ALG14: variants seen among roughly 807,000 people sequenced by gnomAD.
ALG14 encodes the protein ALG14 UDP-N-acetylglucosaminyltransferase subunit.
Under a neutral mutation model 22.8 loss-of-function variants are expected in ALG14, and 17 were observed. The ratio of observed to expected loss-of-function variants is 0.75; its 90% CI spans 0.51 to 1.12. The LOEUF is 1.12. ALG14 is among the 50% of genes most tolerant of loss of function. ALG14 has a pLI of 0.00. For missense variants in ALG14, 288 were observed against 271.8 expected (o/e 1.06, Z -0.42); for synonymous variants, 89 against 103.7 (o/e 0.86, Z 0.86).
chr1:95,030,679 T>C (rs1571626121), intron 2 of ALG14, among the ~76,000 whole-genome samples: 1 of 152,248 alleles, frequency 6.6e-6, no homozygotes, highest in African/African-American at 2.4e-5. Flanking sequence ...GCTCCCCTGA[T>C]TACACCTTGG....
intron 2 of ALG14, among the ~76,000 whole-genome samples, chr1:95,052,360 A>T (rs1674776637): frequency 6.6e-6 from 1 of 152,238 alleles, no homozygotes; most frequent in African/African-American, 2.4e-5. Context: ...GGTGGTATAA[A>T]CACAAATTAG....
chr1:95,045,611 CATACTGTATTAGT>C (rs1442570803), intron 2 of ALG14, among the ~76,000 whole-genome samples: 1 of 151,342 alleles, frequency 6.6e-6, no homozygotes, highest in Admixed American at 6.6e-5. Flanking sequence ...ATAGTATTAG[CATACTGTATTAGT>C]ATATTAATAG....
intron 3 of ALG14, among the ~76,000 whole-genome samples, chr1:95,022,863 A>T (rs1167542364): frequency 6.6e-6 from 1 of 152,232 alleles, no homozygotes; most frequent in Admixed American, 6.5e-5. Flanking sequence ...TACCAGATGA[A>T]AGTCATTATA....
chr1:95,003,436 C>T (rs1035099700), intron 3 of ALG14, among the ~76,000 whole-genome samples: 1 of 149,168 alleles, frequency 6.7e-6, no homozygotes, highest in Non-Finnish European at 1.5e-5. Context: ...TGTTCTAGAA[C>T]GAATGCCCTC....
chr1:94,978,830 TTTTC>T lies in ALG14; in HGVS notation c.*4242_*4245del, dbSNP rs1240110822. On this transcript the variant is annotated 3_prime_UTR_variant, in exon 4 of 4. Transcript: ENST00000370205. ...CCATTTATTTCCTTTTGAGGACATT[TTTTC>T]TTTTTTCTTTAAAAAAAAAAAAAAA... 3 of 126,082 alleles carry T rather than the reference TTTTC, an allele frequency of 2.4e-5. No individual in the cohort carries two copies. The highest frequency in any genetic ancestry group is 2.8e-4 in the South Asian group (1 of 3,544). 7.8% of individuals were successfully genotyped at this position (126,082 alleles called of 1,614,324 possible).
chr1:95,047,574 C>A (rs1674604150), intron 2 of ALG14, among the ~76,000 whole-genome samples: 1 of 152,140 alleles, frequency 6.6e-6, no homozygotes, highest in Admixed American at 6.5e-5. Flanking sequence ...GAACTCCTGA[C>A]CTCAGCTGAT....
chr1:95,006,192 C>G (rs1334195519), intron 3 of ALG14, among the ~76,000 whole-genome samples: 2 of 152,184 alleles, frequency 1.3e-5, no homozygotes, highest in Non-Finnish European at 1.5e-5. Context: ...TATTCAGAAT[C>G]TATGCACTTG....
chr1:95,041,724 C>T (rs1486629329), intron 2 of ALG14: 1 of 152,128 alleles, frequency 6.6e-6, no homozygotes, highest in Non-Finnish European at 1.5e-5. Flanking sequence ...TCTCAGCAAG[C>T]TGTACACAGT....
intron 2 of ALG14, among the ~76,000 whole-genome samples, chr1:95,052,727 A>G (rs983079549): frequency 2.6e-5 from 4 of 151,986 alleles, no homozygotes; most frequent in African/African-American, 9.7e-5. Flanking sequence ...GTGTGGTGGC[A>G]CGTGCCTGTA....
At chr1:95,035,632 G>C (rs1674161599) in intron 2 of ALG14, among the ~76,000 whole-genome samples, 1 of 152,212 alleles carries the variant, frequency 6.6e-6, no homozygotes, top group African/African-American at 2.4e-5. Context: ...ATGACAACTT[G>C]TAACTTTCAA....
At chr1:95,065,217 A>G (rs182657461) in intron 1 of ALG14, among the ~76,000 whole-genome samples, 200 bp from the exon 2 acceptor site, 57 of 152,336 alleles carry the variant, frequency 3.7e-4, no homozygotes, top group Non-Finnish European at 7.5e-4. Context: ...AAAAGCAGAT[A>G]ATACATGTAT....
At chr1:95,007,330 C>T (rs1156973122) in intron 3 of ALG14, among the ~76,000 whole-genome samples, 1 of 152,206 alleles carries the variant, frequency 6.6e-6, no homozygotes, top group Non-Finnish European at 1.5e-5. Flanking sequence ...ATGGTCATTT[C>T]CCGTCTGAAG....
chr1:95,043,782 G>A (rs1410082891), intron 2 of ALG14, among the ~76,000 whole-genome samples: 3 of 151,888 alleles, frequency 2.0e-5, no homozygotes, highest in African/African-American at 7.3e-5. Flanking sequence ...GCGAGGAGGG[G>A]GAGAGAGGAG....
intron 2 of ALG14, among the ~76,000 whole-genome samples, chr1:95,039,935 G>A (rs376787004): frequency 3.3e-5 from 5 of 152,178 alleles, no homozygotes; most frequent in South Asian, 2.1e-4. Flanking sequence ...CACTTTGGGA[G>A]GCCGAGGTGG....
At chr1:95,003,746 C>CA (rs1673132147) in intron 3 of ALG14, among the ~76,000 whole-genome samples, 1 of 152,096 alleles carries the variant, frequency 6.6e-6, no homozygotes, top group Admixed American at 6.5e-5. Flanking sequence ...AGGGATGAGC[C>CA]ACCATGCCCA....
intron 3 of ALG14, among the ~76,000 whole-genome samples, chr1:95,006,512 G>A (rs1266939270): frequency 6.6e-6 from 1 of 152,206 alleles, no homozygotes; most frequent in Admixed American, 6.5e-5. Flanking sequence ...GGAGAACCAG[G>A]AAGAGAGATT....
At chr1:95,069,959 G>A (rs1236044627) in intron 1 of ALG14, among the ~76,000 whole-genome samples, 3 of 152,158 alleles carry the variant, frequency 2.0e-5, no homozygotes, top group South Asian at 2.1e-4. Context: ...TAATCCCAGC[G>A]CTTTGGAAGG....
chr1:95,047,622 G>C (rs561292459), intron 2 of ALG14, among the ~76,000 whole-genome samples: 1 of 152,122 alleles, frequency 6.6e-6, no homozygotes, highest in East Asian at 1.9e-4. Flanking sequence ...GGGATTACAG[G>C]TGTGAGCCAC....
In ALG14 at chr1:95,027,153, T is replaced by TC; in HGVS notation, c.395_396insG (p.Ile133AsnfsTer12). 1.2e-5 allele frequency: 19 copies of TC among 1,614,034 alleles called. No homozygotes were observed. Among genetic ancestry groups the TC allele is most frequent in the Non-Finnish European group, 1.6e-5 (19 of 1,179,986 alleles). On this transcript the variant is annotated frameshift_variant, in exon 3 of 4. Coordinates refer to ENST00000370205, the MANE Select transcript of ALG14 (RefSeq NM_144988.4). LOFTEE classifies it high-confidence loss of function. ...CCAAATCTGGCTTCACCCTGTGAAT[T>TC]AGGGGAAAGGAGAGCCACATGGAGT...
Sources: allele counts gnomAD v4.1 joint callset (sites outside exome capture counted in the v4.1 genomes callset), GRCh38; gene constraint gnomAD v4.1.1; transcripts MANE v1.5; gene names NCBI Gene and HGNC (gene_info 2026-07-23, HGNC 2026-07-21).